The following FGFR2 variants were observed in gnomAD, a reference collection of about 807,000 sequenced individuals.
FGFR2 encodes the protein fibroblast growth factor receptor 2, also known as BEK fibroblast growth factor receptor.
FGFR2 carries 19 observed loss-of-function variants against 95.9 expected under a neutral mutation model. The ratio of observed to expected loss-of-function variants is 0.20; its 90% CI spans 0.14 to 0.29. FGFR2 has a LOEUF of 0.29. FGFR2 is among the 10% of genes least tolerant of loss of function. The probability of loss-of-function intolerance (pLI) is 1.00; values close to 1 mark genes in which losing one functional copy is unlikely to be tolerated. For synonymous variants in FGFR2, 392 were observed against 393.3 expected (o/e 1.00, Z 0.04); for missense variants, 707 against 1,056.9 (o/e 0.67, Z 4.59).
intron 4 of FGFR2, among the ~76,000 whole-genome samples, chr10:121,551,947 A>G (rs1409225756): frequency 6.6e-6 from 1 of 152,120 alleles, no homozygotes; most frequent in Non-Finnish European, 1.5e-5. Context: ...AATAGTATAA[A>G]TTGTCATTCT....
intron 4 of FGFR2, among the ~76,000 whole-genome samples, chr10:121,562,525 A>T (rs1050209671): frequency 6.6e-6 from 1 of 152,140 alleles, no homozygotes; most frequent in Non-Finnish European, 1.5e-5. Flanking sequence ...TTCCCAAGTG[A>T]TCCACCCGCC....
At chr10:121,583,057 G>T (rs1861189446) in intron 2 of FGFR2, among the ~76,000 whole-genome samples, 1 of 152,106 alleles carries the variant, frequency 6.6e-6, no homozygotes, top group Non-Finnish European at 1.5e-5. Context: ...ACCCTTTCTG[G>T]CCAAGACTGG....
At position 121,586,676 on chromosome 10, in the gene FGFR2, A is replaced by G. The variant is rs1219648; in HGVS notation, c.109+7033T>C. On this transcript the variant is annotated intron_variant, in intron 2 of 17. Coordinates refer to ENST00000358487, the MANE Select transcript of FGFR2 (RefSeq NM_000141.5). ...AGCACGCCTATTTTACTTGACACACACTCTTCAAGGATGGCCATGGCTTGT... is the reference window on the plus strand; with the variant it reads ...AGCACGCCTATTTTACTTGACACACGCTCTTCAAGGATGGCCATGGCTTGT... 0.41 allele frequency among the ~76,000 whole-genome samples: 62,074 copies of G among 152,050 alleles called. 12,688 individuals are homozygous for G. The highest frequency in any genetic ancestry group is 0.43 in the Middle Eastern group (127 of 294).
chr10:121,514,097 G>T (rs1849385996), intron 9 of FGFR2, among the ~76,000 whole-genome samples: 3 of 152,126 alleles, frequency 2.0e-5, no homozygotes, highest in Non-Finnish European at 4.4e-5. Flanking sequence ...GACTGAACAA[G>T]AATCTCTGGG....
rs371156564 is a variant in FGFR2 at position 121,523,403 on chromosome 10, C to T, written c.749-3234G>A. ...AGCAGCTGGCTGGACACCCCAGGGA[C>T]CTGTCCACAGCGGGCAGTGACCGAG... On this transcript the variant is annotated intron_variant, in intron 6 of 17. Coordinates refer to ENST00000358487, the MANE Select transcript of FGFR2 (RefSeq NM_000141.5). 7.0e-4 allele frequency among the ~76,000 whole-genome samples: 106 copies of T among 152,296 alleles called. No homozygotes were observed. The South Asian group carries it at 0.022, about 31-fold the overall frequency.
intron 2 of FGFR2, among the ~76,000 whole-genome samples, chr10:121,568,432 T>G (rs1858033502): frequency 6.6e-6 from 1 of 152,124 alleles, no homozygotes; most frequent in African/African-American, 2.4e-5. Flanking sequence ...CCAGAAATGT[T>G]ATGGAATGTA....
intron 5 of FGFR2, among the ~76,000 whole-genome samples, chr10:121,547,259 T>C (rs985098781): frequency 2.6e-5 from 4 of 152,118 alleles, no homozygotes; most frequent in Non-Finnish European, 2.9e-5. Flanking sequence ...AAGTGGCAAA[T>C]GGACAGGAGT....
intron 6 of FGFR2, among the ~76,000 whole-genome samples, chr10:121,535,434 T>C (rs968282180): frequency 6.6e-6 from 1 of 152,216 alleles, no homozygotes; most frequent in Non-Finnish European, 1.5e-5. Flanking sequence ...AACCTGCTGT[T>C]CATTCCACGG....
At chr10:121,501,856 T>A (rs917377311) in intron 10 of FGFR2, among the ~76,000 whole-genome samples, 2 of 152,218 alleles carry the variant, frequency 1.3e-5, no homozygotes, top group Non-Finnish European at 2.9e-5. Flanking sequence ...AGAAAATAAA[T>A]ATTTGCATTG....
chr10:121,495,170 C>A (rs1263905025), intron 13 of FGFR2, among the ~76,000 whole-genome samples: 1 of 152,122 alleles, frequency 6.6e-6, no homozygotes, highest in East Asian at 1.9e-4. Flanking sequence ...CACACACGCA[C>A]GTGTACGTAA....
intron 5 of FGFR2, among the ~76,000 whole-genome samples, chr10:121,538,961 G>A (rs776241810): frequency 9.2e-5 from 14 of 152,312 alleles, no homozygotes; most frequent in Non-Finnish European, 1.8e-4. Flanking sequence ...AGTGTACAGC[G>A]TGGGTCTGTT....
intron 2 of FGFR2, among the ~76,000 whole-genome samples, chr10:121,569,273 T>G (rs901604468): frequency 7.9e-5 from 12 of 151,240 alleles, no homozygotes; most frequent in African/African-American, 2.9e-4. Flanking sequence ...CAGGCTGGAA[T>G]CCAGTGGCAC....
chr10:121,507,374 G>A (rs1276456678), intron 9 of FGFR2, among the ~76,000 whole-genome samples: 2 of 152,210 alleles, frequency 1.3e-5, no homozygotes, highest in African/African-American at 4.8e-5. Flanking sequence ...GATCTTCTGA[G>A]GTCAGGAGTT....
intron 13 of FGFR2, among the ~76,000 whole-genome samples, chr10:121,490,635 T>C (rs930209921): frequency 5.3e-5 from 8 of 152,146 alleles, no homozygotes; most frequent in Admixed American, 2.0e-4. Context: ...CCGAAGCCTT[T>C]TACACTGGTT....
intron 14 of FGFR2, 97 bp downstream of exon 14, chr10:121,487,894 C>A: frequency 1.3e-6 from 2 of 1,502,548 alleles, no homozygotes; most frequent in Admixed American, 1.7e-5. Flanking sequence ...GGGTCCCCAG[C>A]CATCCCACCC....
chr10:121,528,725 T>C (rs1851709528), intron 6 of FGFR2, among the ~76,000 whole-genome samples: 1 of 152,160 alleles, frequency 6.6e-6, no homozygotes, highest in South Asian at 2.1e-4. Context: ...TCTAGATACT[T>C]CTAAGTACAG....
chr10:121,557,378 A>C (rs563289554), intron 4 of FGFR2, among the ~76,000 whole-genome samples: 2 of 152,316 alleles, frequency 1.3e-5, no homozygotes, highest in African/African-American at 4.8e-5. Flanking sequence ...GTACAACCAC[A>C]GCTCACTGCA....
chr10:121,576,404 C>A (rs892625707), intron 2 of FGFR2, among the ~76,000 whole-genome samples: 1 of 152,190 alleles, frequency 6.6e-6, no homozygotes, highest in Admixed American at 6.5e-5. Flanking sequence ...AATACACTTG[C>A]TGGACATAGC....
intron 2 of FGFR2, among the ~76,000 whole-genome samples, chr10:121,573,396 G>T (rs1286428059): frequency 1.3e-5 from 2 of 152,188 alleles, no homozygotes; most frequent in African/African-American, 4.8e-5. Context: ...TTCCAAGGAT[G>T]CGGTGGGGTC....
Sources: allele counts gnomAD v4.1 joint callset (sites outside exome capture counted in the v4.1 genomes callset), GRCh38; gene constraint gnomAD v4.1.1; transcripts MANE v1.5; gene names NCBI Gene and HGNC (gene_info 2026-07-23, HGNC 2026-07-21).